Variants in CSF1 observed in about 807,000 individuals in gnomAD.
The protein encoded by CSF1 is macrophage colony-stimulating factor 1.
CSF1 carries 9 observed loss-of-function variants against 48.9 expected under a neutral mutation model. The observed-to-expected ratio is 0.18, with a 90% CI of 0.11 to 0.32. CSF1 has a LOEUF of 0.32. Ranked by LOEUF, CSF1 falls within the 10% of genes least tolerant of loss-of-function variation. The pLI, the probability that CSF1 is intolerant of heterozygous loss-of-function variation, is 1.00. For synonymous variants in CSF1, 305 were observed against 284.1 expected, an observed-to-expected ratio of 1.07 and a Z score of -0.74; for missense variants, 672 against 697.9, an observed-to-expected ratio of 0.96 and a Z score of 0.42.
At chr1:109,923,145 T>C in intron 5 of CSF1, 21 bp from the exon 6 acceptor site, 1 of 1,507,204 alleles carries the variant, frequency 6.6e-7, no homozygotes, top group South Asian at 1.3e-5. Flanking sequence ...TTCTCTCTCC[T>C]TCTCTCTGTG....
In CSF1 at chr1:109,911,006, C is replaced by G; in HGVS notation, c.-18C>G. ...AGCGAGGGCGGCCGACGCGCCCGGC[C>G]GGGACCCAGCTGCCCGTATGACCGC... On this transcript the variant is annotated 5_prime_UTR_variant, in exon 1 of 9. Transcript: ENST00000329608. The G allele has an allele frequency of 8.6e-7, 1 of 1,167,400 alleles. No homozygotes were observed. Among genetic ancestry groups the G allele is most frequent in the Non-Finnish European group, 1.1e-6 (1 of 948,538 alleles). 72.3% of individuals were successfully genotyped at this position (1,167,400 alleles called of 1,614,324 possible).
chr1:109,911,872 C>T (rs927011862), intron 1 of CSF1, among the ~76,000 whole-genome samples: 1 of 152,174 alleles, frequency 6.6e-6, no homozygotes, highest in African/African-American at 2.4e-5. Context: ...GTAAGGGACG[C>T]CCTGCCCCAA....
rs1654657465 is a variant in CSF1 at position 109,911,044 on chromosome 1, C to G, written c.21C>G (p.Ala7=). Residue 7 remains alanine (A), a synonymous_variant, in exon 1 of 9, where the codon GCC becomes GCG. Transcript: ENST00000329608. MTAPGA[A]GRCPPTTWLG... Reference sequence around the variant, plus strand: ...CCCGTATGACCGCGCCGGGCGCCGCCGGGCGCTGCCCTCCCACGGTAAGCG... The same window carrying G: ...CCCGTATGACCGCGCCGGGCGCCGCGGGGCGCTGCCCTCCCACGGTAAGCG... 1.8e-6 allele frequency: 2 copies of G among 1,132,570 alleles called. No individual in the cohort carries two copies. Among genetic ancestry groups the G allele is most frequent in the Admixed American group, 4.5e-5 (1 of 22,290 alleles). 70.2% of individuals were successfully genotyped at this position (1,132,570 alleles called of 1,614,324 possible). A position where few individuals can be genotyped will look rare whatever the true frequency, so the allele number is the denominator to read the frequency against.
At chr1:109,911,408 C>A (rs1054255584) in intron 1 of CSF1, among the ~76,000 whole-genome samples, 2 of 152,216 alleles carry the variant, frequency 1.3e-5, no homozygotes, top group South Asian at 4.1e-4. Flanking sequence ...AAGGCACGGG[C>A]GGAGTGGCTG....
At position 109,925,435 on chromosome 1, in the gene CSF1, A is replaced by T. The variant is rs370034482; in HGVS notation, c.*13+233A>T. 4.9e-4 allele frequency among the ~76,000 whole-genome samples: 74 copies of T among 150,376 alleles called. 2 individuals carry two copies. Among genetic ancestry groups the T allele is most frequent in the African/African-American group, 1.8e-3 (73 of 40,798 alleles). On this transcript the variant is annotated intron_variant, in intron 8 of 8. Transcript: ENST00000329608. ...ACCCCCGCTGAGGCCAGGGACTATTACCTCTGCATTGGGCTTCTAGTGTTG... is the reference window on the plus strand; with the variant it reads ...ACCCCCGCTGAGGCCAGGGACTATTTCCTCTGCATTGGGCTTCTAGTGTTG...
At chr1:109,926,144 T>G (rs1389830913) in intron 8 of CSF1, 2 of 152,258 alleles carry the variant, frequency 1.3e-5, no homozygotes, top group Non-Finnish European at 1.5e-5. Context: ...GTACTCCAGA[T>G]GTTGTCTGAC....
At chr1:109,921,021 C>T (rs1281221081) in intron 4 of CSF1, among the ~76,000 whole-genome samples, 1 of 152,154 alleles carries the variant, frequency 6.6e-6, no homozygotes, top group Admixed American at 6.5e-5. Flanking sequence ...CCTCAGCCCT[C>T]CCTCTAAGAC....
chr1:109,928,431 G>C (rs1486938627), intron 8 of CSF1, among the ~76,000 whole-genome samples: 1 of 152,224 alleles, frequency 6.6e-6, no homozygotes, highest in African/African-American at 2.4e-5. Flanking sequence ...TTCTTTGCTA[G>C]TGTTAGCAGG....
At chr1:109,925,300 C>G (rs2101657070) in intron 8 of CSF1, 98 bp downstream of exon 8, 2 of 957,862 alleles carry the variant, frequency 2.1e-6, no homozygotes, top group East Asian at 5.0e-5. Context: ...GAGGCCCCCA[C>G]ACTGACTCCC....
rs765879124 is a variant in CSF1, at chr1:109,923,218, C to T, written c.597C>T (p.Ser199=). The T allele has an allele frequency of 1.3e-6, 2 of 1,554,452 alleles. No homozygotes were observed. The highest frequency in any genetic ancestry group is 4.0e-5 in the Admixed American group (2 of 50,350). ...CNCLYPKAIP[S]SDPASVSPHQ... ...GCCTGTACCCCAAAGCCATCCCTAG[C>T]AGTGACCCGGCCTCTGTCTCCCCTC... The change falls in exon 6 of 9, where the codon AGC becomes AGT. Residue 199 remains serine, a synonymous_variant. Transcript: ENST00000329608.
At chr1:109,928,144 G>A (rs993980260) in intron 8 of CSF1, among the ~76,000 whole-genome samples, 7 of 152,190 alleles carry the variant, frequency 4.6e-5, no homozygotes, top group African/African-American at 1.2e-4. Context: ...GGAACAAAGC[G>A]TCCTGAGGAT....
chr1:109,912,499 C>T (rs1654730270), intron 1 of CSF1, among the ~76,000 whole-genome samples: 1 of 152,186 alleles, frequency 6.6e-6, no homozygotes, highest in Admixed American at 6.5e-5. Context: ...TCCAGATCCT[C>T]CTGAGGCAGA....
chr1:109,912,281 A>G (rs1423415608), intron 1 of CSF1, among the ~76,000 whole-genome samples: 1 of 152,028 alleles, frequency 6.6e-6, no homozygotes, highest in African/African-American at 2.4e-5. Flanking sequence ...GGCCTTGTTG[A>G]GGGGGAAGAT....
intron 4 of CSF1, among the ~76,000 whole-genome samples, chr1:109,918,628 G>A (rs978114022): frequency 7.9e-5 from 12 of 152,174 alleles, no homozygotes; most frequent in African/African-American, 1.9e-4. Context: ...GAAAGAAAAA[G>A]CCAAGGATGG....
chr1:109,920,424 T>G (rs1174590897), intron 4 of CSF1, among the ~76,000 whole-genome samples: 1 of 152,080 alleles, frequency 6.6e-6, no homozygotes. Flanking sequence ...CGCACCACCA[T>G]GCCCAGCTAA....
intron 1 of CSF1, among the ~76,000 whole-genome samples, chr1:109,913,526 G>A (rs1040680443): frequency 8.5e-5 from 13 of 152,214 alleles, no homozygotes; most frequent in Non-Finnish European, 1.9e-4. Context: ...GGAGAGAAGA[G>A]GGGTCTCAGA....
chr1:109,915,402 G>A (rs1240545269), intron 2 of CSF1, among the ~76,000 whole-genome samples: 2 of 152,110 alleles, frequency 1.3e-5, no homozygotes, highest in African/African-American at 2.4e-5. Context: ...GTCAGATTTC[G>A]TGGGGTGGTA....
intron 8 of CSF1, among the ~76,000 whole-genome samples, chr1:109,927,179 G>C (rs1434128810): frequency 2.0e-5 from 3 of 152,250 alleles, no homozygotes; most frequent in Non-Finnish European, 4.4e-5. Context: ...ACTAGCTGGG[G>C]TGACCCAGTC....
chr1:109,923,579 G>A lies in CSF1; in HGVS notation c.958G>A (p.Gly320Arg), dbSNP rs1202401644. 6.2e-7 allele frequency: 1 copy of A among 1,614,048 alleles called. No individual in the cohort carries two copies. Among genetic ancestry groups the A allele is most frequent in the African/African-American group, 1.3e-5 (1 of 74,916 alleles). Residue 320 changes from glycine to arginine, a missense_variant, in exon 6 of 9, where the codon GGG becomes AGG. By Grantham distance (125) the Gly-to-Arg change is moderately radical (BLOSUM62 -2). Transcript: ENST00000329608. Reference protein sequence around the residue: ...GEASEIPVPQGTELSPSRPGG... With the variant: ...GEASEIPVPQRTELSPSRPGG... ...GGCCAGTGAGATTCCCGTACCCCAA[G>A]GGACAGAGCTTTCCCCCTCCAGGCC...
Sources: gnomAD v4.1 joint callset for allele counts (sites outside exome capture counted in the v4.1 genomes callset) on GRCh38, gnomAD v4.1.1 for gene constraint, MANE v1.5 for transcripts, NCBI Gene and HGNC (gene_info 2026-07-23, HGNC 2026-07-21) for gene names.